The following TACC3 variants were observed in gnomAD, a reference collection of about 807,000 sequenced individuals.
The protein encoded by TACC3 is transforming acidic coiled-coil-containing protein 3.
A neutral mutation model predicts 86.0 loss-of-function variants in TACC3; 52 were observed. The observed-to-expected ratio is 0.60, with a 90% CI of 0.48 to 0.76. The LOEUF is 0.76. Ranked by LOEUF, TACC3 falls within the 30% of genes least tolerant of loss-of-function variation. TACC3 has a pLI of 0.00. For missense variants in TACC3, 1,120 were observed against 1,070.4 expected, an observed-to-expected ratio of 1.05 and a Z score of -0.65; for synonymous variants, 512 against 430.0, an observed-to-expected ratio of 1.19 and a Z score of -2.36.
intron 9 of TACC3, 109 bp from the exon 10 acceptor site, chr4:1,737,489 A>G (rs1718336554): frequency 8.9e-7 from 1 of 1,128,632 alleles, no homozygotes; most frequent in Non-Finnish European, 1.3e-6. Context: ...CGGGTCCCTC[A>G]TGCACTGTCT....
chr4:1,737,200 G>A (rs1718315627), intron 8 of TACC3, 41 bp from the exon 9 acceptor site: 1 of 1,530,178 alleles, frequency 6.5e-7, no homozygotes, highest in Admixed American at 1.7e-5. Flanking sequence ...ACTCAACACT[G>A]GGAGGGCCTA....
chr4:1,725,116 A>G (rs1577206718), intron 3 of TACC3, among the ~76,000 whole-genome samples: 1 of 151,426 alleles, frequency 6.6e-6, no homozygotes, highest in Non-Finnish European at 1.5e-5. Flanking sequence ...ATTTTTAGTA[A>G]ATATGGGGTT....
At chr4:1,720,677 C>G (rs776589371), upstream of TACC3, 2 of 1,549,856 alleles carry the variant, frequency 1.3e-6, no homozygotes, top group South Asian at 1.2e-5. The surrounding 1 kb of genome is among the most constrained non-coding windows in gnomAD (Gnocchi z 4.4). Context: ...GGCCGTGCGG[C>G]GCAAGTGGAA....
intron 1 of TACC3, 198 bp from the exon 2 acceptor site, chr4:1,723,223 G>A: frequency 1.8e-5 from 11 of 615,150 alleles, no homozygotes; most frequent in Non-Finnish European, 2.6e-5. Context: ...AGGCTGGAGA[G>A]TGAGTCTCTG....
chr4:1,731,760 A>G (rs798765), intron 6 of TACC3, among the ~76,000 whole-genome samples: 108,646 of 152,078 alleles, frequency 0.71, 39,958 homozygotes, highest in East Asian at 0.86. Context: ...TCAGCCTCCC[A>G]AGTAGCTGGG....
chr4:1,727,960 T>C lies in TACC3; in HGVS notation c.558T>C (p.Leu186=), dbSNP rs2108687550. 2.5e-6 allele frequency: 4 copies of C among 1,613,598 alleles called. No homozygotes were observed. In the South Asian group the frequency reaches 4.4e-5, roughly 18 times the overall value. Residue 186 remains leucine, a synonymous_variant, in exon 4 of 16, where the codon CTT becomes CTC. Coordinates refer to ENST00000313288, the MANE Select transcript of TACC3 (RefSeq NM_006342.3). ...GSPEQAVEEN[L]SSYSLDRRVT... is the part of the protein sequence containing the mutation. ...CTGAGCAAGCCGTGGAGGAAAACCT[T>C]AGTTCCTATTCCTTAGACAGAAGAG... is the stretch of plus-strand genomic sequence containing the variant.
chr4:1,723,737 C>G lies in TACC3; in HGVS notation c.172C>G (p.Gln58Glu). The G allele has an allele frequency of 6.2e-7, 1 of 1,613,778 alleles. No homozygotes were observed. Among genetic ancestry groups the G allele is most frequent in the Non-Finnish European group, 8.5e-7 (1 of 1,180,020 alleles). ...NLAKAMKVTF[Q>E]TPLRDPQTHR... is the part of the protein sequence containing the mutation. ...CCTCACTCCGCAACAGGTGACTTTT[C>G]AGACACCTCTGCGGGATCCACAGAC... Residue 58 changes from glutamine to glutamate, a missense_variant, in exon 3 of 16, where the codon CAG (glutamine) becomes GAG (glutamate). Gln to Glu is a conservative substitution (Grantham distance 29). Transcript: ENST00000313288.
At chr4:1,726,393 A>C (rs2282763) in intron 3 of TACC3, among the ~76,000 whole-genome samples, 33,260 of 152,136 alleles carry the variant, frequency 0.22, 3,876 homozygotes, top group Non-Finnish European at 0.26. Flanking sequence ...AGGGGAAAGC[A>C]GATTCATGCA....
chr4:1,737,608 C>A lies in TACC3; in HGVS notation c.1847C>A (p.Pro616Gln), dbSNP rs1473905990. Residue 616 changes from proline (P) to glutamine (Q), a missense_variant, in exon 10 of 16, where the codon CCA (proline) becomes CAA (glutamine). Physicochemically the swap from Pro to Gln is moderately conservative, Grantham distance 76. Coordinates refer to ENST00000313288, the MANE Select transcript of TACC3 (RefSeq NM_006342.3). ...LGALDIPVPG[P>Q]PPGVPAPGGP... ...CCCCATCTCCCGCAGGTGCCAGGCC[C>A]ACCCCCAGGTGTTCCCGCGCCTGGG... is the stretch of plus-strand genomic sequence containing the variant. The A allele has an allele frequency of 2.4e-5, 36 of 1,513,724 alleles. No individual in the cohort carries two copies. The highest frequency in any genetic ancestry group is 3.2e-5 in the Non-Finnish European group (36 of 1,125,986). 93.8% of individuals were successfully genotyped at this position (1,513,724 alleles called of 1,614,324 possible). A position where few individuals can be genotyped will look rare whatever the true frequency, so the allele number is the denominator to read the frequency against.
chr4:1,740,020 C>T lies in TACC3; in HGVS notation c.2062+18C>T, dbSNP rs780363502. The T allele has an allele frequency of 3.6e-5, 58 of 1,612,556 alleles. 1 individual carries two copies. The highest frequency in any genetic ancestry group is 2.3e-4 in the South Asian group (21 of 91,078). ...GGCCATGGGTGAGTGCCCGGGCCACCGAGGCCACGTGCCTCCACGAGGGGC... is the reference window on the plus strand; with the variant it reads ...GGCCATGGGTGAGTGCCCGGGCCACTGAGGCCACGTGCCTCCACGAGGGGC... On this transcript the variant is annotated intron_variant, in intron 12 of 15. Transcript: ENST00000313288.
chr4:1,738,254 G>C (rs564141630), intron 10 of TACC3: 72 of 260,318 alleles, frequency 2.8e-4, no homozygotes, highest in African/African-American at 1.4e-3. Context: ...ACCGTCGCCA[G>C]ATGGTCCCCA....
At chr4:1,723,154 G>A (rs1450400573) in intron 1 of TACC3, 3 of 492,970 alleles carry the variant, frequency 6.1e-6, no homozygotes, top group Non-Finnish European at 1.1e-5. Flanking sequence ...ATCTCAGCCT[G>A]AAGGCCCTTT....
chr4:1,730,967 G>T lies in TACC3; in HGVS notation c.1461+5G>T, dbSNP rs1225295718. On this transcript the variant is annotated splice_donor_5th_base_variant and intron_variant, in intron 5 of 15. Coordinates refer to ENST00000313288, the MANE Select transcript of TACC3 (RefSeq NM_006342.3). ...ACCCCAACAGCAGAGAGCAAGGTAAGGGGTGCTTGTGTGGGTACCTGTGCT... is the reference window on the plus strand; with the variant it reads ...ACCCCAACAGCAGAGAGCAAGGTAATGGGTGCTTGTGTGGGTACCTGTGCT... 9.9e-6 allele frequency: 16 copies of T among 1,613,478 alleles called. 1 individual carries two copies. The South Asian group carries it at 1.5e-4, about 15-fold the overall frequency.
chr4:1,737,900 A>G (rs1290927391), intron 10 of TACC3, 198 bp downstream of exon 10: 3 of 683,726 alleles, frequency 4.4e-6, no homozygotes, highest in Admixed American at 4.1e-5. Flanking sequence ...GCTTCCACCC[A>G]GTGTCCCCGC....
upstream of TACC3, chr4:1,721,381 G>GA (rs1385175127): frequency 1.3e-5 from 2 of 150,192 alleles, no homozygotes; most frequent in African/African-American, 2.4e-5. Flanking sequence ...CGGGGGGTGG[G>GA]GGGGGAGGGA....
In TACC3 at chr4:1,728,355, C is replaced by T. The variant is rs762941623; in HGVS notation, c.953C>T (p.Pro318Leu). The T allele has an allele frequency of 6.2e-7, 1 of 1,613,172 alleles. No homozygotes were observed. Among genetic ancestry groups the T allele is most frequent in the Non-Finnish European group, 8.5e-7 (1 of 1,180,028 alleles). ...GCTGGCAGGGCCATGACCCTGAGTC[C>T]TCAGGAAGAAGTGGCTGCAGGCCAA... ...LVAGRAMTLS[P>L]QEEVAAGQMA... is the part of the protein sequence containing the mutation. Residue 318 changes from proline (P) to leucine (L), a missense_variant, in exon 4 of 16, where the codon CCT (proline) becomes CTT (leucine). Pro to Leu is a moderately conservative substitution (Grantham distance 98). Transcript: ENST00000313288.
rs760277960 is a variant in TACC3, at chr4:1,728,093, G to A, written c.691G>A (p.Gly231Arg). The A allele has an allele frequency of 5.3e-5, 85 of 1,611,910 alleles. No homozygotes were observed. The highest frequency in any genetic ancestry group is 1.3e-4 in the African/African-American group (10 of 74,880). Residue 231 changes from glycine to arginine, a missense_variant, in exon 4 of 16, where the codon GGA (glycine) becomes AGA (arginine). Transcript: ENST00000313288. ...AGAATGCAAAGCGGAGACTCCGCAC[G>A]GAGCCGAGGAGGAATGCCGGCACGG... ...EEECKAETPHGAEEECRHGGV... is the reference protein window; with the variant it reads ...EEECKAETPHRAEEECRHGGV...
intron 4 of TACC3, 61 bp downstream of exon 4, chr4:1,728,848 T>G: frequency 6.7e-7 from 1 of 1,489,020 alleles, no homozygotes. Flanking sequence ...GTGTATGTGG[T>G]CCAGGACCCG....
intron 3 of TACC3, among the ~76,000 whole-genome samples, chr4:1,724,268 G>C (rs915235941): frequency 1.3e-5 from 2 of 151,252 alleles, no homozygotes; most frequent in African/African-American, 4.9e-5. Flanking sequence ...CACCACGCCC[G>C]GCCGGCCTTG....
Sources: gnomAD v4.1 joint callset for allele counts (sites outside exome capture counted in the v4.1 genomes callset) on GRCh38, gnomAD v4.1.1 for gene constraint, Gnocchi (gnomAD v3.1) non-coding constraint, MANE v1.5 for transcripts, NCBI Gene and HGNC (gene_info 2026-07-23, HGNC 2026-07-21) for gene names.